The following ANK2 variants were observed in gnomAD, a reference collection of about 807,000 sequenced individuals.
ANK2 encodes the protein ankyrin 2, also known as ankyrin-2.
ANK2 carries 83 observed loss-of-function variants against 360.5 expected under a neutral mutation model. The ratio of observed to expected loss-of-function variants is 0.23; its 90% CI spans 0.19 to 0.28. The LOEUF (loss-of-function observed/expected upper bound fraction) is 0.28, where lower values mean the gene tolerates loss of function less well. Among genes scored for constraint, ANK2 ranks in the 10% least tolerant of loss-of-function variants. The pLI is 1.00. For missense variants in ANK2, 4,201 were observed against 4,795.7 expected, an observed-to-expected ratio of 0.88 and a Z score of 3.66; for synonymous variants, 1,740 against 1,759.5, an observed-to-expected ratio of 0.99 and a Z score of 0.28.
intron 1 of ANK2, among the ~76,000 whole-genome samples, chr4:113,108,997 T>A (rs2135352): frequency 0.2 from 30,982 of 152,114 alleles, 3,268 homozygotes; most frequent in African/African-American, 0.23. Context: ...AAAGAGTATA[T>A]CTTTCTGAAG....
intron 1 of ANK2, among the ~76,000 whole-genome samples, chr4:113,080,121 A>T (rs72906137): frequency 0.014 from 2,195 of 152,148 alleles, 53 homozygotes; most frequent in African/African-American, 0.048. Context: ...CTAGTCTCGA[A>T]TTCCTGACCT....
At chr4:112,956,023 A>G (rs1031065298) in intron 2 of ANK2, among the ~76,000 whole-genome samples, 1 of 152,238 alleles carries the variant, frequency 6.6e-6, no homozygotes. Context: ...GAGACATCAC[A>G]TTTTATACAG....
At chr4:113,222,660 C>G (rs2099164826) in intron 4 of ANK2, among the ~76,000 whole-genome samples, 1 of 152,070 alleles carries the variant, frequency 6.6e-6, no homozygotes, top group African/African-American at 2.4e-5. Flanking sequence ...GAGCCACAGT[C>G]TCATTCGTAA....
chr4:113,339,893 A>C (rs186777129), intron 32 of ANK2, among the ~76,000 whole-genome samples: 1 of 152,308 alleles, frequency 6.6e-6, no homozygotes, highest in Admixed American at 6.5e-5. Context: ...CTTTAACTTG[A>C]CATTACAACT....
At position 113,378,691 on chromosome 4, in the gene ANK2, C is replaced by T. The variant is rs142780988; in HGVS notation, c.11860-2766C>T. Among the ~76,000 whole-genome samples, 328 of 152,286 alleles carry T rather than the reference C, an allele frequency of 2.2e-3. 3 individuals are homozygous for T. The highest frequency in any genetic ancestry group is 7.4e-3 in the African/African-American group (306 of 41,540). On this transcript the variant is annotated intron_variant, in intron 45 of 45. Transcript: ENST00000357077. ...ATATCCATGAAACAAATATACCTAG[C>T]GATGCTGAAACCTGGGGCTTTAATG...
chr4:113,226,100 T>C (rs773933268), intron 4 of ANK2, among the ~76,000 whole-genome samples: 3 of 152,194 alleles, frequency 2.0e-5, no homozygotes, highest in Non-Finnish European at 4.4e-5. Flanking sequence ...ATCATATTAA[T>C]ACTTGTAATT....
Position 112,862,316 on chromosome 4 carries a change from A to C in ANK2, c.-39-42139A>C, listed in dbSNP as rs546763073. The stretch of plus-strand genomic sequence containing the variant: ...TAAATTTATTTCATTATTTTTTAGC[A>C]TCTAATTATTGCCCTTTGATTTGAT... On this transcript the variant is annotated intron_variant, in intron 1 of 30. Coordinates refer to the ANK2 transcript ENST00000503271. Among the ~76,000 whole-genome samples, 203 of 152,342 alleles carry C rather than the reference A, an allele frequency of 1.3e-3. 4 individuals are homozygous for C. The South Asian group carries it at 0.04, about 30-fold the overall frequency.
At chr4:113,157,329 C>T (rs2097339685) in intron 1 of ANK2, among the ~76,000 whole-genome samples, 1 of 152,160 alleles carries the variant, frequency 6.6e-6, no homozygotes. Flanking sequence ...GAGCTAGTAA[C>T]AGTCTACGTG....
chr4:112,890,288 C>G (rs1364423114), intron 1 of ANK2, among the ~76,000 whole-genome samples: 1 of 152,136 alleles, frequency 6.6e-6, no homozygotes, highest in Non-Finnish European at 1.5e-5. Context: ...TTCCTGTTCC[C>G]TCAAGATGAG....
intron 1 of ANK2, among the ~76,000 whole-genome samples, chr4:113,110,079 G>A (rs543196948): frequency 6.6e-6 from 1 of 152,294 alleles, no homozygotes; most frequent in South Asian, 2.1e-4. Flanking sequence ...ATATATACCA[G>A]AGACTGGGTA....
At chr4:112,927,940 C>T (rs923100982) in intron 2 of ANK2, among the ~76,000 whole-genome samples, 5 of 152,310 alleles carry the variant, frequency 3.3e-5, no homozygotes, top group Non-Finnish European at 7.4e-5. Context: ...TAGATACTTT[C>T]CGTAGTTAAT....
chr4:112,792,236 A>C, the ANK2 span, among the ~76,000 whole-genome samples: 2 of 151,156 alleles, frequency 1.3e-5, no homozygotes, highest in African/African-American at 4.9e-5. Context: ...AGACAGGGTT[A>C]CTCCATGTTG....
intron 1 of ANK2, among the ~76,000 whole-genome samples, chr4:113,087,167 G>A (rs575872790): frequency 1.3e-5 from 2 of 152,322 alleles, no homozygotes; most frequent in African/African-American, 4.8e-5. Context: ...TGATGATGCC[G>A]AAATGGGATT....
chr4:113,229,298 T>G (rs185237105), intron 4 of ANK2, among the ~76,000 whole-genome samples: 38 of 152,306 alleles, frequency 2.5e-4, no homozygotes, highest in African/African-American at 8.7e-4. Context: ...CTTGCCTTTC[T>G]CAGCTTCTAA....
At chr4:113,311,440 G>T in intron 24 of ANK2, 41 bp downstream of exon 24, 1 of 1,609,494 alleles carries the variant, frequency 6.2e-7, no homozygotes, top group Non-Finnish European at 8.5e-7. Flanking sequence ...CCAGAAGTAT[G>T]TGCAACATAT....
chr4:113,079,624 T>A lies in ANK2; in HGVS notation c.84+29812T>A, dbSNP rs75770536. ...TTTAAGTAAATAAACTTGGAAATAA[T>A]TATAATTGATTTCTTCTTTTTTAAA... is the stretch of plus-strand genomic sequence containing the variant. On this transcript the variant is annotated intron_variant, in intron 1 of 45. Coordinates refer to ENST00000357077, the MANE Select transcript of ANK2 (RefSeq NM_001148.6). Among the ~76,000 whole-genome samples the A allele has an allele frequency of 8.8e-4, 134 of 152,320 alleles. 1 individual carries two copies. The highest frequency in any genetic ancestry group is 6.6e-3 in the East Asian group (34 of 5,184).
At chr4:113,007,734 G>A (rs1038631145) in intron 2 of ANK2, among the ~76,000 whole-genome samples, 1 of 152,020 alleles carries the variant, frequency 6.6e-6, no homozygotes, top group Non-Finnish European at 1.5e-5. Context: ...GAATAAATAA[G>A]CCATGTTATA....
chr4:113,307,497 C>G (rs904946437), intron 23 of ANK2, among the ~76,000 whole-genome samples: 1 of 147,976 alleles, frequency 6.8e-6, no homozygotes, highest in African/African-American at 2.5e-5. Flanking sequence ...CTCACTGCAA[C>G]CTCCATCTCC....
rs557083422 is a variant in ANK2, at chr4:112,937,390, G to A, written c.21+32876G>A. On this transcript the variant is annotated intron_variant, in intron 2 of 30. Transcript: ENST00000503271. ...CCACCAGGCTGGAGTACAGTGGTGC[G>A]ATCTTGGCTCACTGCAACCCTCTGC... is the stretch of plus-strand genomic sequence containing the variant. Among the ~76,000 whole-genome samples the A allele has an allele frequency of 6.6e-4, 99 of 150,254 alleles. No homozygotes were observed. In the South Asian group the frequency reaches 0.02, roughly 30 times the overall value.
Sources: gnomAD v4.1 joint callset for allele counts (sites outside exome capture counted in the v4.1 genomes callset) on GRCh38, gnomAD v4.1.1 for gene constraint, MANE v1.5 for transcripts, NCBI Gene and HGNC (gene_info 2026-07-23, HGNC 2026-07-21) for gene names.